Variants in SSBP3 observed in about 807,000 individuals in gnomAD.
The protein encoded by SSBP3 is single stranded DNA binding protein 3.
Under a neutral mutation model 69.6 loss-of-function variants are expected in SSBP3, and 5 were observed. The observed-to-expected ratio is 0.07, with a 90% CI of 0.04 to 0.15. The LOEUF is 0.15. Among genes scored for constraint, SSBP3 ranks in the 10% least tolerant of loss-of-function variants. SSBP3 has a pLI of 1.00. For synonymous variants in SSBP3, 196 were observed against 193.4 expected (o/e 1.01, Z -0.11); for missense variants, 312 against 534.0 (o/e 0.58, Z 4.10).
chr1:54,330,142 G>A (rs1646382012), intron 4 of SSBP3, among the ~76,000 whole-genome samples: 1 of 151,990 alleles, frequency 6.6e-6, no homozygotes, highest in Non-Finnish European at 1.5e-5. Context: ...CGCACAGGCA[G>A]CCCCCAAAGC....
chr1:54,268,768 A>T (rs1019487246), intron 5 of SSBP3, among the ~76,000 whole-genome samples: 5 of 152,178 alleles, frequency 3.3e-5, no homozygotes, highest in Non-Finnish European at 7.4e-5. Context: ...GAGCAGGGGA[A>T]GAACCAGGAC....
At chr1:54,233,505 G>A (rs1235411294) in intron 14 of SSBP3, among the ~76,000 whole-genome samples, 6 of 148,846 alleles carry the variant, frequency 4.0e-5, no homozygotes, top group Admixed American at 6.6e-5. Flanking sequence ...TCAGCCCCCC[G>A]CCCGGCCAGC....
chr1:54,342,713 C>T (rs2100532213), intron 4 of SSBP3, among the ~76,000 whole-genome samples: 1 of 152,350 alleles, frequency 6.6e-6, no homozygotes, highest in African/African-American at 2.4e-5. Context: ...GCTAACCTCC[C>T]TGAACCTCAG....
chr1:54,371,557 G>T (rs1262315707), intron 4 of SSBP3, among the ~76,000 whole-genome samples: 4 of 152,172 alleles, frequency 2.6e-5, no homozygotes, highest in Non-Finnish European at 4.4e-5. Flanking sequence ...TGCAATGATG[G>T]TGCCTCTGGA....
chr1:54,294,159 A>AAAAAG lies in SSBP3; in HGVS notation c.277-12633_277-12632insCTTTT, dbSNP rs754650225. 5.9e-3 allele frequency among the ~76,000 whole-genome samples: 505 copies of AAAAAG among 86,076 alleles called. 7 individuals carry two copies. Among genetic ancestry groups the AAAAAG allele is most frequent in the East Asian group, 9.8e-3 (27 of 2,760 alleles). 56.5% of individuals were successfully genotyped at this position (86,076 alleles called of 152,430 possible). ...CTCCATCTCAAAAAAAAAAAAAAAA[A>AAAAAG]AAAGAAAGAAAGAAAGAAAGAAAGA... On this transcript the variant is annotated intron_variant, in intron 4 of 17. Transcript: ENST00000610401.
intron 4 of SSBP3, among the ~76,000 whole-genome samples, chr1:54,348,262 G>A (rs1232485154): frequency 2.1e-5 from 2 of 97,270 alleles, no homozygotes; most frequent in South Asian, 4.5e-4. Flanking sequence ...GGGGGGGGGC[G>A]GGTGAGGACA....
intron 4 of SSBP3, among the ~76,000 whole-genome samples, chr1:54,327,966 G>T (rs146961829): frequency 6.6e-6 from 1 of 152,138 alleles, no homozygotes; most frequent in Non-Finnish European, 1.5e-5. Context: ...GTAAGCCAGC[G>T]TTTATTTTTA....
rs900161502 is a variant in SSBP3, at chr1:54,317,366, G to A, written c.277-35839C>T. On this transcript the variant is annotated intron_variant, in intron 4 of 17. Coordinates refer to ENST00000610401, the Ensembl canonical transcript of SSBP3. ...AGTCTGGGCAACACAGTGAAAACTT[G>A]TCTCTACAAAAAATACAAAAATGAG... Among the ~76,000 whole-genome samples the A allele has an allele frequency of 6.6e-5, 10 of 152,144 alleles. No homozygotes were observed. The Middle Eastern group carries it at 0.01, about 156-fold the overall frequency.
chr1:54,232,432 G>GT (rs562859786), intron 14 of SSBP3, among the ~76,000 whole-genome samples: 149 of 151,726 alleles, frequency 9.8e-4, no homozygotes, highest in African/African-American at 3.6e-3. Flanking sequence ...TATTATTTAT[G>GT]TTTTTTTAAA....
chr1:54,338,634 C>T (rs947906421), intron 4 of SSBP3, among the ~76,000 whole-genome samples: 1 of 152,216 alleles, frequency 6.6e-6, no homozygotes, highest in African/African-American at 2.4e-5. Context: ...TCCATACATA[C>T]CCAGGCAGCC....
intron 7 of SSBP3, among the ~76,000 whole-genome samples, chr1:54,253,919 G>A (rs1198971312): frequency 1.3e-5 from 2 of 152,202 alleles, no homozygotes; most frequent in Admixed American, 6.5e-5. Context: ...CCTATGTGTC[G>A]GAACTCCAGG....
At chr1:54,269,864 G>A (rs1645163620) in intron 5 of SSBP3, among the ~76,000 whole-genome samples, 1 of 152,234 alleles carries the variant, frequency 6.6e-6, no homozygotes, top group Non-Finnish European at 1.5e-5. Flanking sequence ...GGCACCACTG[G>A]TAGGAAGAGC....
upstream of SSBP3, among the ~76,000 whole-genome samples, chr1:54,409,945 T>C (rs2100848482): frequency 6.6e-6 from 1 of 152,304 alleles, no homozygotes; most frequent in African/African-American, 2.4e-5. Context: ...AGATCCAGCC[T>C]GGGCAGGCAG....
intron 7 of SSBP3, among the ~76,000 whole-genome samples, chr1:54,254,720 C>T (rs1007119770): frequency 3.3e-5 from 5 of 152,238 alleles, no homozygotes. Context: ...GGGCACTCTT[C>T]AAGAAAGCCC....
intron 4 of SSBP3, among the ~76,000 whole-genome samples, chr1:54,284,781 T>C (rs972598852): frequency 9.2e-5 from 14 of 152,114 alleles, no homozygotes; most frequent in South Asian, 4.2e-4. Flanking sequence ...AAAAAAAAAT[T>C]AAATGAAAAC....
intron 4 of SSBP3, among the ~76,000 whole-genome samples, chr1:54,338,226 G>A (rs1646544614): frequency 6.6e-6 from 1 of 152,230 alleles, no homozygotes; most frequent in Non-Finnish European, 1.5e-5. Flanking sequence ...CTGCAATGGG[G>A]CTGCATAGCC....
chr1:54,401,898 C>G, exon 4 of SSBP3: 1 of 1,614,122 alleles, frequency 6.2e-7, no homozygotes, highest in Non-Finnish European at 8.5e-7. Context: ...TGAATGTTCA[C>G]AAGTGTCTCT....
intron 4 of SSBP3, among the ~76,000 whole-genome samples, chr1:54,361,983 T>C (rs1646958844): frequency 6.6e-6 from 1 of 152,170 alleles, no homozygotes; most frequent in African/African-American, 2.4e-5. Context: ...GGCGTAATTT[T>C]AAAAGTTCAG....
intron 4 of SSBP3, among the ~76,000 whole-genome samples, chr1:54,310,036 T>C (rs1645971966): frequency 6.6e-6 from 1 of 152,138 alleles, no homozygotes; most frequent in Non-Finnish European, 1.5e-5. Flanking sequence ...TTCCAAGCCT[T>C]TGAATACCCG....
Sources: gnomAD v4.1 joint callset for allele counts (sites outside exome capture counted in the v4.1 genomes callset) on GRCh38, gnomAD v4.1.1 for gene constraint, MANE v1.5 for transcripts, NCBI Gene and HGNC (gene_info 2026-07-23, HGNC 2026-07-21) for gene names.